SETD7: variants seen among roughly 807,000 people sequenced by gnomAD.
SETD7 encodes the protein SET domain containing 7, histone lysine methyltransferase, also known as histone-lysine N-methyltransferase SETD7.
Under a neutral mutation model 41.8 loss-of-function variants are expected in SETD7, and 16 were observed. The ratio of observed to expected loss-of-function variants is 0.38; its 90% CI spans 0.26 to 0.58. The LOEUF (loss-of-function observed/expected upper bound fraction) is 0.58. Ranked by LOEUF, SETD7 falls within the 20% of genes least tolerant of loss-of-function variation. The pLI is 0.64. For missense variants in SETD7, 346 were observed against 459.7 expected (o/e 0.75, Z 2.26); for synonymous variants, 163 against 169.7 (o/e 0.96, Z 0.31).
chr4:139,522,764 T>C (rs1467645324), intron 5 of SETD7, among the ~76,000 whole-genome samples: 1 of 146,656 alleles, frequency 6.8e-6, no homozygotes, highest in Non-Finnish European at 1.5e-5. Flanking sequence ...TTTTTTTTTT[T>C]TTCTTTTTAG....
intron 3 of SETD7, among the ~76,000 whole-genome samples, chr4:139,531,552 C>T (rs1579214092): frequency 6.6e-6 from 1 of 152,286 alleles, no homozygotes. Flanking sequence ...CTTCTCTTCT[C>T]CTAAGCAGTA....
At position 139,496,062 on chromosome 4, in the gene SETD7, T is replaced by A. The variant is rs141744754; in HGVS notation, c.*291A>T. On this transcript the variant is annotated 3_prime_UTR_variant, in exon 8 of 8. Coordinates refer to the SETD7 transcript ENST00000506866. ...TCCACATGTGGTCAGTCTGGTTTTATCTACACCCACACTTCACTTCCCTTA... is the reference window on the plus strand; with the variant it reads ...TCCACATGTGGTCAGTCTGGTTTTAACTACACCCACACTTCACTTCCCTTA... 1.6e-5 allele frequency: 4 copies of A among 247,814 alleles called. No individual in the cohort carries two copies. In the East Asian group the frequency reaches 3.9e-4, roughly 24 times the overall value. The allele number at this position is 247,814 out of a possible 1,614,324, so 15.4% of individuals were successfully genotyped here. A position where few individuals can be genotyped will look rare whatever the true frequency, so the allele number is the denominator to read the frequency against.
chr4:139,554,409 C>T (rs976082918), intron 1 of SETD7, among the ~76,000 whole-genome samples: 1 of 152,132 alleles, frequency 6.6e-6, no homozygotes, highest in African/African-American at 2.4e-5. Context: ...GAGAACAGTA[C>T]CAGCAATTAA....
chr4:139,533,058 C>G, intron 3 of SETD7, 107 bp downstream of exon 3: 1 of 964,188 alleles, frequency 1.0e-6, no homozygotes, highest in Admixed American at 1.9e-5. Flanking sequence ...TGTGGTGACT[C>G]TCAGGTTTCA....
At position 139,541,742 on chromosome 4, in the gene SETD7, G is replaced by C. The variant is rs538428298; in HGVS notation, c.170+5178C>G. Among the ~76,000 whole-genome samples the C allele has an allele frequency of 2.0e-5, 3 of 152,280 alleles. No individual in the cohort carries two copies. The South Asian group carries it at 6.2e-4, about 32-fold the overall frequency. ...TTTTAGGTTTCTGACTTAATAAGCT[G>C]GTTGTAGTAACTTAGCTTTTCTCTT... On this transcript the variant is annotated intron_variant, in intron 2 of 7. Coordinates refer to ENST00000274031, the MANE Select transcript of SETD7 (RefSeq NM_030648.4).
intron 7 of SETD7, among the ~76,000 whole-genome samples, chr4:139,517,200 C>T (rs757618146): frequency 6.6e-6 from 1 of 152,124 alleles, no homozygotes; most frequent in Non-Finnish European, 1.5e-5. Context: ...CCCGGCTGGG[C>T]GAGGTGGCTC....
At chr4:139,536,848 C>G (rs1359944718) in intron 2 of SETD7, among the ~76,000 whole-genome samples, 1 of 152,116 alleles carries the variant, frequency 6.6e-6, no homozygotes, top group Non-Finnish European at 1.5e-5. Flanking sequence ...ACTAAAAATA[C>G]AAAAATTAGC....
At chr4:139,505,849 G>T (rs1726690263), downstream of SETD7, among the ~76,000 whole-genome samples, 1 of 152,128 alleles carries the variant, frequency 6.6e-6, no homozygotes, top group Non-Finnish European at 1.5e-5. Flanking sequence ...GGATTTATGG[G>T]TGTATGTGGA....
In SETD7 at chr4:139,511,548, G is replaced by T. The variant is rs1259213845; in HGVS notation, c.*115C>A. On this transcript the variant is annotated 3_prime_UTR_variant, in exon 8 of 8. Coordinates refer to ENST00000274031, the MANE Select transcript of SETD7 (RefSeq NM_030648.4). ...GCGAGAAAGTCGTTGCTAACGCATGGTGAGAGGATGTGACGTCACAGCATG... is the reference window on the plus strand; with the variant it reads ...GCGAGAAAGTCGTTGCTAACGCATGTTGAGAGGATGTGACGTCACAGCATG... The T allele has an allele frequency of 3.2e-6, 5 of 1,568,914 alleles. No homozygotes were observed. The African/African-American group carries it at 5.5e-5, about 17-fold the overall frequency.
intron 1 of SETD7, among the ~76,000 whole-genome samples, chr4:139,552,614 C>G (rs79205105): frequency 1.9e-3 from 287 of 152,280 alleles, no homozygotes; most frequent in Non-Finnish European, 3.4e-3. Flanking sequence ...ACCCAGCCTC[C>G]TTTCCCTGTC....
At chr4:139,552,861 T>A (rs536437423) in intron 1 of SETD7, among the ~76,000 whole-genome samples, 38 of 152,354 alleles carry the variant, frequency 2.5e-4, no homozygotes, top group African/African-American at 8.9e-4. Flanking sequence ...ATATATTTAT[T>A]TGAAATCATA....
intron 3 of SETD7, 141 bp downstream of exon 3, chr4:139,533,024 G>T: frequency 1.4e-6 from 1 of 690,348 alleles, no homozygotes; most frequent in Non-Finnish European, 2.6e-6. Flanking sequence ...GAGAGGGCAT[G>T]CCTCATAAAC....
At chr4:139,556,060 C>G (rs1211534953) in intron 1 of SETD7, 38 bp downstream of exon 1, 3 of 1,570,476 alleles carry the variant, frequency 1.9e-6, no homozygotes, top group Non-Finnish European at 2.6e-6. Context: ...TCCAGGCCCT[C>G]TGCGCCTCCT....
At chr4:139,523,297 C>A in intron 5 of SETD7, 57 bp downstream of exon 5, 1 of 1,333,016 alleles carries the variant, frequency 7.5e-7, no homozygotes, top group South Asian at 1.2e-5. Flanking sequence ...GTTCCTACCA[C>A]TAGGCTTATT....
At position 139,549,682 on chromosome 4, in the gene SETD7, T is replaced by C. The variant is rs554023575; in HGVS notation, c.41-2633A>G. 2.9e-3 allele frequency among the ~76,000 whole-genome samples: 449 copies of C among 152,274 alleles called. 2 individuals are homozygous for C. Among genetic ancestry groups the C allele is most frequent in the African/African-American group, 0.011 (438 of 41,552 alleles). ...GTGCAGTGATGAGACCATAGTTCAC[T>C]GTAACCTCAACTTGTAGGCTCAAGT... On this transcript the variant is annotated intron_variant, in intron 1 of 7. Coordinates refer to ENST00000274031, the MANE Select transcript of SETD7 (RefSeq NM_030648.4).
At chr4:139,550,829 T>G (rs1021203908) in intron 1 of SETD7, among the ~76,000 whole-genome samples, 1 of 152,214 alleles carries the variant, frequency 6.6e-6, no homozygotes, top group Non-Finnish European at 1.5e-5. Context: ...TGTTATCAAA[T>G]GTAAGCCTCA....
At chr4:139,495,512 C>G (rs1441401914), downstream of SETD7, among the ~76,000 whole-genome samples, 1 of 152,122 alleles carries the variant, frequency 6.6e-6, no homozygotes, top group Non-Finnish European at 1.5e-5. Context: ...AGGAAACTTA[C>G]AATCACGGCA....
chr4:139,505,085 A>G (rs1218841198), downstream of SETD7, among the ~76,000 whole-genome samples: 1 of 152,100 alleles, frequency 6.6e-6, no homozygotes, highest in Non-Finnish European at 1.5e-5. Flanking sequence ...CCTTCCATGG[A>G]AGGAAGTGTG....
At chr4:139,523,945 C>T (rs941605147) in intron 4 of SETD7, among the ~76,000 whole-genome samples, 1 of 152,152 alleles carries the variant, frequency 6.6e-6, no homozygotes, top group Non-Finnish European at 1.5e-5. Flanking sequence ...CTTTCTATTA[C>T]GGTAGTTCAG....
Sources: gnomAD v4.1 joint callset for allele counts (sites outside exome capture counted in the v4.1 genomes callset) on GRCh38, gnomAD v4.1.1 for gene constraint, MANE v1.5 for transcripts, NCBI Gene and HGNC (gene_info 2026-07-23, HGNC 2026-07-21) for gene names.